The following AK9 variants were observed in gnomAD, a reference collection of about 807,000 sequenced individuals.
The protein encoded by AK9 is adenylate kinase domain containing 1.
AK9 carries 191 observed loss-of-function variants against 239.6 expected under a neutral mutation model. That is an observed-to-expected ratio of 0.80 (90% CI 0.71 to 0.90). The LOEUF (loss-of-function observed/expected upper bound fraction) is 0.90, where lower values mean the gene tolerates loss of function less well. AK9 is among the 40% of genes least tolerant of loss of function. The pLI is 0.00. For synonymous variants in AK9, 689 were observed against 721.0 expected, an observed-to-expected ratio of 0.96 and a Z score of 0.71; for missense variants, 1,995 against 2,214.7, an observed-to-expected ratio of 0.90 and a Z score of 1.99.
At position 109,585,139 on chromosome 6, in the gene AK9, C is replaced by CAT; in HGVS notation, c.2097_2098insAT (p.Glu700MetfsTer14). 1.2e-6 allele frequency: 1 copy of CAT among 821,484 alleles called. No individual in the cohort carries two copies. The highest frequency in any genetic ancestry group is 1.6e-6 in the Non-Finnish European group (1 of 621,698). The allele number at this position is 821,484 out of a possible 1,614,324, so 50.9% of individuals were successfully genotyped here. A position where few individuals can be genotyped will look rare whatever the true frequency, so the allele number is the denominator to read the frequency against. ...AGATTTTACCTTGCTTCTTCTTCTTCTTTTTTTTTCTTTTGTAGTTCTTCT... is the reference window on the plus strand; with the variant it reads ...AGATTTTACCTTGCTTCTTCTTCTTCATTTTTTTTTTCTTTTGTAGTTCTTCT... On this transcript the variant is annotated frameshift_variant, in exon 19 of 41. Coordinates refer to ENST00000424296, the MANE Select transcript of AK9 (RefSeq NM_001145128.3). LOFTEE classifies it high-confidence loss of function.
chr6:109,644,410 GATTTTAA>G, intron 9 of AK9, 197 bp downstream of exon 9: 1 of 438,036 alleles, frequency 2.3e-6, no homozygotes, highest in Admixed American at 4.3e-5. Context: ...TTTTGAAAGA[GATTTTAA>G]ATTCGAATGT....
At chr6:109,599,606 G>A (rs1457574424) in intron 17 of AK9, among the ~76,000 whole-genome samples, 2 of 151,824 alleles carry the variant, frequency 1.3e-5, no homozygotes, top group African/African-American at 4.8e-5. Flanking sequence ...TTCCAATTCT[G>A]TGAAGAAAGT....
intron 9 of AK9, among the ~76,000 whole-genome samples, chr6:109,641,894 T>C (rs1797498244): frequency 6.6e-6 from 1 of 152,136 alleles, no homozygotes. Flanking sequence ...CCAAATAAGG[T>C]CACATTCATA....
intron 29 of AK9, among the ~76,000 whole-genome samples, chr6:109,522,073 C>T (rs915795424): frequency 2.0e-5 from 3 of 151,996 alleles, no homozygotes; most frequent in Non-Finnish European, 2.9e-5. Context: ...AGGCTGAAAA[C>T]CATTTTCACT....
chr6:109,588,714 G>C (rs75581245), intron 17 of AK9, among the ~76,000 whole-genome samples: 2,238 of 152,170 alleles, frequency 0.015, 59 homozygotes, highest in African/African-American at 0.051. Flanking sequence ...TATAGTCTGA[G>C]GTCTTACATT....
rs138289486 is a variant in AK9 at position 109,600,461 on chromosome 6, G to A, written c.1842+9904C>T. Among the ~76,000 whole-genome samples, 594 of 152,286 alleles carry A rather than the reference G, an allele frequency of 3.9e-3. 1 individual carries two copies. The highest frequency in any genetic ancestry group is 8.5e-3 in the South Asian group (41 of 4,830). The stretch of plus-strand genomic sequence containing the variant: ...TCATGGTGGATAAGCTTTTTCATGC[G>A]CTGTTGGATTTGGTTTACCAGTATT... On this transcript the variant is annotated intron_variant, in intron 17 of 40. Transcript: ENST00000424296.
At chr6:109,514,856 C>T (rs78180305) in intron 31 of AK9, among the ~76,000 whole-genome samples, 3,167 of 152,172 alleles carry the variant, frequency 0.021, 99 homozygotes, top group African/African-American at 0.073. Flanking sequence ...GCCCTAGCAC[C>T]CCAAGTGACT....
At chr6:109,601,023 A>G (rs1400585283) in intron 17 of AK9, among the ~76,000 whole-genome samples, 1 of 152,002 alleles carries the variant, frequency 6.6e-6, no homozygotes, top group Non-Finnish European at 1.5e-5. Flanking sequence ...TTTTCAAAAA[A>G]CCAGCTCCTG....
intron 12 of AK9, among the ~76,000 whole-genome samples, chr6:109,629,009 T>C (rs904002967): frequency 3.2e-4 from 49 of 152,204 alleles, no homozygotes; most frequent in Non-Finnish European, 5.9e-5. Context: ...TATTTTCTAA[T>C]TGCTGCATAA....
At chr6:109,605,731 C>T (rs1792771547) in intron 17 of AK9, among the ~76,000 whole-genome samples, 1 of 152,082 alleles carries the variant, frequency 6.6e-6, no homozygotes, top group South Asian at 2.1e-4. Context: ...ACATTCAAAG[C>T]TGAGGTGAGG....
intron 17 of AK9, among the ~76,000 whole-genome samples, chr6:109,595,508 C>G (rs1790900625): frequency 6.6e-6 from 1 of 152,096 alleles, no homozygotes; most frequent in African/African-American, 2.4e-5. Flanking sequence ...TGGGTATATA[C>G]CCAAAGGATT....
At chr6:109,534,751 C>G (rs981413668) in intron 27 of AK9, among the ~76,000 whole-genome samples, 7 of 151,880 alleles carry the variant, frequency 4.6e-5, no homozygotes, top group Non-Finnish European at 7.4e-5. Context: ...TGCTATCCCT[C>G]CCCCACTCCC....
At chr6:109,653,231 T>C (rs867029791) in intron 8 of AK9, among the ~76,000 whole-genome samples, 2 of 152,084 alleles carry the variant, frequency 1.3e-5, no homozygotes, top group Non-Finnish European at 2.9e-5. Context: ...CTGGCAAAAG[T>C]AGGTTTTAAT....
Position 109,497,962 on chromosome 6 carries a change from A to T in AK9, c.5050T>A (p.Phe1684Ile), listed in dbSNP as rs769797956. 1.2e-6 allele frequency: 2 copies of T among 1,612,870 alleles called. No individual in the cohort carries two copies. The highest frequency in any genetic ancestry group is 1.7e-6 in the Non-Finnish European group (2 of 1,178,986). Residue 1684 changes from phenylalanine to isoleucine, a missense_variant, in exon 37 of 41, where the codon TTC becomes ATC. By Grantham distance (21) the Phe-to-Ile change is conservative. This residue lies in a region of AK9 where 391 missense variants were observed against 456.0 expected (regional missense o/e 0.86). Coordinates refer to ENST00000424296, the MANE Select transcript of AK9 (RefSeq NM_001145128.3). The stretch of plus-strand genomic sequence containing the variant: ...ACGTACAATTCTGGGTTCTCCAAGA[A>T]TTTCTATTAAAAAAGAATTCCAGTA... Reference protein sequence around the residue: ...KMSSQEKLNKFLENPELYVPP... With the variant: ...KMSSQEKLNKILENPELYVPP...
At position 109,564,778 on chromosome 6, in the gene AK9, T is replaced by C. The variant is rs1375091921; in HGVS notation, c.2412A>G (p.Glu804=). 6.5e-7 allele frequency: 1 copy of C among 1,545,890 alleles called. No homozygotes were observed. Among genetic ancestry groups the C allele is most frequent in the African/African-American group, 1.4e-5 (1 of 72,894 alleles). ...AACCTGTTTCAGATAATTTTTCAAT[T>C]TCCAGGCCCTCTTTGGATCCTTTTG... ...EIPKGSKEGL[E]IEKLSETVVL... Residue 804 remains glutamate, a synonymous_variant, in exon 22 of 41, where the codon GAA becomes GAG. Coordinates refer to ENST00000424296, the MANE Select transcript of AK9 (RefSeq NM_001145128.3).
intron 27 of AK9, among the ~76,000 whole-genome samples, chr6:109,537,208 A>C (rs1782133388): frequency 6.6e-6 from 1 of 152,108 alleles, no homozygotes; most frequent in African/African-American, 2.4e-5. Flanking sequence ...CCTCTGGTAG[A>C]ATTTGGCTGT....
chr6:109,667,365 G>A (rs1042128516), intron 5 of AK9, among the ~76,000 whole-genome samples: 2 of 150,694 alleles, frequency 1.3e-5, no homozygotes. Flanking sequence ...TACTATTTTA[G>A]TTGTCATTTG....
intron 19 of AK9, among the ~76,000 whole-genome samples, chr6:109,582,407 T>C (rs1420509539): frequency 6.6e-6 from 1 of 152,186 alleles, no homozygotes; most frequent in Non-Finnish European, 1.5e-5. Context: ...AATATCCACA[T>C]TAACAGGAAT....
At chr6:109,507,241 G>GT (rs1233456887) in intron 33 of AK9, among the ~76,000 whole-genome samples, 1 of 152,164 alleles carries the variant, frequency 6.6e-6, no homozygotes, top group Non-Finnish European at 1.5e-5. Context: ...TCTTAGAGTT[G>GT]TTTTAAAGAT....
Sources: allele counts gnomAD v4.1 joint callset (sites outside exome capture counted in the v4.1 genomes callset), GRCh38; gene constraint gnomAD v4.1.1; regional missense constraint gnomAD v4.1.1; transcripts MANE v1.5; gene names NCBI Gene and HGNC (gene_info 2026-07-23, HGNC 2026-07-21).